MAP2: variants seen among roughly 807,000 people sequenced by gnomAD.
MAP2 encodes the protein microtubule associated protein 2, also known as microtubule-associated protein 2.
MAP2 carries 14 observed loss-of-function variants against 137.6 expected under a neutral mutation model. That is an observed-to-expected ratio of 0.10 (90% CI 0.07 to 0.16). The LOEUF (loss-of-function observed/expected upper bound fraction) is 0.16. Among genes scored for constraint, MAP2 ranks in the 10% least tolerant of loss-of-function variants. MAP2 has a pLI of 1.00. For synonymous variants in MAP2, 786 were observed against 782.3 expected (o/e 1.00, Z -0.08); for missense variants, 2,088 against 2,191.5 (o/e 0.95, Z 0.94).
chr2:209,450,977 T>A (rs571564077), intron 1 of MAP2, among the ~76,000 whole-genome samples: 1 of 152,100 alleles, frequency 6.6e-6, no homozygotes, highest in South Asian at 2.1e-4. Context: ...ATGAAATAAT[T>A]TTTTTTCCCA....
intron 13 of MAP2, among the ~76,000 whole-genome samples, chr2:209,714,227 T>G (rs185392336): frequency 1.1e-4 from 17 of 152,130 alleles, no homozygotes; most frequent in Admixed American, 5.9e-4. Context: ...AAATAAAATT[T>G]TAAAAGCACA....
At chr2:209,572,854 A>C (rs2074628424) in intron 2 of MAP2, among the ~76,000 whole-genome samples, 1 of 152,210 alleles carries the variant, frequency 6.6e-6, no homozygotes, top group South Asian at 2.1e-4. Context: ...AGAGTGATTT[A>C]CATATATTTA....
chr2:209,561,804 G>T (rs762936987), intron 2 of MAP2, among the ~76,000 whole-genome samples: 7 of 152,144 alleles, frequency 4.6e-5, no homozygotes, highest in Non-Finnish European at 4.4e-5. Flanking sequence ...CTTTTGAGGT[G>T]CAATATTTTT....
At chr2:209,556,312 G>A (rs148473193) in intron 2 of MAP2, among the ~76,000 whole-genome samples, 3,542 of 152,226 alleles carry the variant, frequency 0.023, 81 homozygotes, top group Middle Eastern at 0.088. Flanking sequence ...CCAAAGTGCA[G>A]GGATTGTAGG....
At chr2:209,450,773 G>T (rs1280199060) in intron 1 of MAP2, among the ~76,000 whole-genome samples, 1 of 151,980 alleles carries the variant, frequency 6.6e-6, no homozygotes, top group Non-Finnish European at 1.5e-5. Context: ...TGACTTTTTT[G>T]ATTCATTACA....
rs61613421 is a variant in MAP2 at position 209,560,481 on chromosome 2, CTT to C, written c.-171-19540_-171-19539del. On this transcript the variant is annotated intron_variant, in intron 2 of 15. Transcript: ENST00000682079. The stretch of plus-strand genomic sequence containing the variant: ...CTGGTGTGGTGACAACTTTGAGATT[CTT>C]TTTTTTTTTTTTTTGAGATAGGGTG... Among the ~76,000 whole-genome samples the C allele has an allele frequency of 5.9e-3, 814 of 137,212 alleles. 9 individuals are homozygous for C. Among genetic ancestry groups the C allele is most frequent in the African/African-American group, 0.018 (678 of 36,884 alleles). The allele number at this position is 137,212 out of a possible 152,430, so 90.0% of individuals were successfully genotyped here. A position where few individuals can be genotyped will look rare whatever the true frequency, so the allele number is the denominator to read the frequency against.
intron 7 of MAP2, 147 bp downstream of exon 7, chr2:209,680,974 C>A: frequency 4.0e-6 from 2 of 501,820 alleles, no homozygotes; most frequent in African/African-American, 2.0e-5. Context: ...GAAACAAAGA[C>A]TTTAAATAAA....
chr2:209,464,077 A>G (rs1249301893), intron 1 of MAP2, among the ~76,000 whole-genome samples: 3 of 152,162 alleles, frequency 2.0e-5, no homozygotes. Flanking sequence ...TAGCTGTATT[A>G]CTGTATTATT....
intron 14 of MAP2, among the ~76,000 whole-genome samples, chr2:209,728,042 G>T (rs1457948779): frequency 6.6e-6 from 1 of 152,176 alleles, no homozygotes; most frequent in Non-Finnish European, 1.5e-5. Context: ...GCTGAGGAGG[G>T]AGGATCACCT....
rs113191875 is a variant in MAP2, at chr2:209,444,150, G to C, written c.-222+19874G>C. ...TTAATGGCAATAAATGATTTACCAA[G>C]CACATTAACCATTAACACCAGCAAA... is the stretch of plus-strand genomic sequence containing the variant. On this transcript the variant is annotated intron_variant, in intron 1 of 15. Coordinates refer to ENST00000682079, the MANE Select transcript of MAP2 (RefSeq NM_001375505.1). Among the ~76,000 whole-genome samples the C allele has an allele frequency of 6.7e-3, 1,011 of 151,540 alleles. 12 individuals are homozygous for C. The highest frequency in any genetic ancestry group is 0.023 in the African/African-American group (955 of 41,468).
intron 1 of MAP2, among the ~76,000 whole-genome samples, chr2:209,445,799 G>A (rs1698909329): frequency 6.6e-6 from 1 of 151,636 alleles, no homozygotes; most frequent in Non-Finnish European, 1.5e-5. Context: ...TAGGCAGCAT[G>A]TTTTAATAAT....
At chr2:209,432,407 C>T (rs1026482764) in intron 1 of MAP2, among the ~76,000 whole-genome samples, 7 of 152,140 alleles carry the variant, frequency 4.6e-5, no homozygotes, top group Non-Finnish European at 1.0e-4. Context: ...TTCCTGTGTT[C>T]AGCAGAGCTT....
intron 3 of MAP2, among the ~76,000 whole-genome samples, chr2:209,596,048 T>TA (rs1185718803): frequency 2.0e-5 from 3 of 152,122 alleles, no homozygotes; most frequent in Non-Finnish European, 2.9e-5. Context: ...GGCACATGTA[T>TA]ACCTATGTAA....
intron 2 of MAP2, among the ~76,000 whole-genome samples, chr2:209,534,400 C>T (rs1177373272): frequency 6.6e-6 from 1 of 152,134 alleles, no homozygotes; most frequent in Non-Finnish European, 1.5e-5. Flanking sequence ...CTCTTCGCTG[C>T]CATGTGGTCT....
chr2:209,666,690 T>C (rs1266081291), intron 5 of MAP2, among the ~76,000 whole-genome samples: 1 of 152,022 alleles, frequency 6.6e-6, no homozygotes, highest in East Asian at 1.9e-4. Flanking sequence ...CTTAAATTAC[T>C]CTAGCTGACT....
intron 1 of MAP2, among the ~76,000 whole-genome samples, chr2:209,477,248 A>G (rs762586985): frequency 6.6e-6 from 1 of 152,194 alleles, no homozygotes; most frequent in African/African-American, 2.4e-5. Context: ...GAATTGGGGA[A>G]GCTGAGTGAA....
At chr2:209,586,878 G>C (rs922541798) in intron 3 of MAP2, among the ~76,000 whole-genome samples, 7 of 152,288 alleles carry the variant, frequency 4.6e-5, no homozygotes, top group East Asian at 1.9e-4. Context: ...CAAGTCTGAA[G>C]TGAGCTCTTC....
chr2:209,633,964 A>G lies in MAP2; in HGVS notation c.-30+8835A>G, dbSNP rs988623448. ...CTTTTGGCAAACATCAAGCTGTCCT[A>G]AGATTCCCTGAATGTGTTTGCACAT... On this transcript the variant is annotated intron_variant, in intron 4 of 15. Coordinates refer to ENST00000682079, the MANE Select transcript of MAP2 (RefSeq NM_001375505.1). 5.3e-5 allele frequency among the ~76,000 whole-genome samples: 8 copies of G among 152,286 alleles called. No homozygotes were observed. The East Asian group carries it at 1.4e-3, about 26-fold the overall frequency.
rs1045373164 is a variant in MAP2, at chr2:209,513,482, A to C, written c.-172+5841A>C. On this transcript the variant is annotated intron_variant, in intron 2 of 15. Coordinates refer to ENST00000682079, the MANE Select transcript of MAP2 (RefSeq NM_001375505.1). The stretch of plus-strand genomic sequence containing the variant: ...ATTTTAAAGACATTCATTATATAAC[A>C]AACAATTATAAAATTGCAAAACAGA... 2.0e-5 allele frequency among the ~76,000 whole-genome samples: 3 copies of C among 152,196 alleles called. No individual in the cohort carries two copies. The South Asian group carries it at 6.2e-4, about 31-fold the overall frequency.
Sources: allele counts gnomAD v4.1 joint callset (sites outside exome capture counted in the v4.1 genomes callset), GRCh38; gene constraint gnomAD v4.1.1; transcripts MANE v1.5; gene names NCBI Gene and HGNC (gene_info 2026-07-23, HGNC 2026-07-21).